Variants in NAV3 observed in about 807,000 individuals in gnomAD.
NAV3 encodes the protein neuron navigator 3, also known as pore membrane and/or filament interacting like protein 1.
Under a neutral mutation model 244.7 loss-of-function variants are expected in NAV3, and 87 were observed. The ratio of observed to expected loss-of-function variants is 0.36; its 90% CI spans 0.30 to 0.42. The LOEUF (loss-of-function observed/expected upper bound fraction) is 0.42, where lower values mean the gene tolerates loss of function less well. Among genes scored for constraint, NAV3 ranks in the 20% least tolerant of loss-of-function variants. NAV3 has a pLI of 1.00. For synonymous variants in NAV3, 1,126 were observed against 1,042.2 expected, an observed-to-expected ratio of 1.08 and a Z score of -1.55; for missense variants, 2,663 against 2,893.3, an observed-to-expected ratio of 0.92 and a Z score of 1.83.
chr12:78,036,005 T>C (rs1879808745), intron 9 of NAV3, among the ~76,000 whole-genome samples: 1 of 152,152 alleles, frequency 6.6e-6, no homozygotes, highest in African/African-American at 2.4e-5. Flanking sequence ...AGTCTGTCAT[T>C]CTCGGCATCG....
intron 12 of NAV3, among the ~76,000 whole-genome samples, chr12:78,068,460 G>A (rs1254450905): frequency 4.0e-5 from 6 of 150,574 alleles, no homozygotes; most frequent in Non-Finnish European, 8.9e-5. Context: ...ATGTATAATG[G>A]TATCTATTTC....
Position 78,007,270 on chromosome 12 carries a change from A to G in NAV3, c.1732A>G (p.Ser578Gly). The G allele has an allele frequency of 6.2e-7, 1 of 1,614,204 alleles. No individual in the cohort carries two copies. The highest frequency in any genetic ancestry group is 8.5e-7 in the Non-Finnish European group (1 of 1,180,026). ...AACCATGGAGAAAGCAAGTGCTTCT[A>G]GTTGTCCTGCCCCTTTGGAAGGAAG... is the stretch of plus-strand genomic sequence containing the variant. ...PITMEKASAS[S>G]CPAPLEGREA... The change falls in exon 8 of 40, where the codon AGT (serine) becomes GGT (glycine). Residue 578 changes from serine (S) to glycine (G), a missense_variant. By Grantham distance (56) the Ser-to-Gly change is moderately conservative (BLOSUM62 0). Transcript: ENST00000397909.
chr12:77,934,494 A>C (rs1431115396), intron 1 of NAV3, among the ~76,000 whole-genome samples: 1 of 152,212 alleles, frequency 6.6e-6, no homozygotes, highest in African/African-American at 2.4e-5. Context: ...TTTGAAACTC[A>C]GTCCAGAGAG....
chr12:77,637,103 A>G (rs558683161), intron 2 of NAV3, among the ~76,000 whole-genome samples: 1 of 152,266 alleles, frequency 6.6e-6, no homozygotes, highest in East Asian at 1.9e-4. Flanking sequence ...ACAAACCTGC[A>G]CATTCTACAC....
intron 24 of NAV3, among the ~76,000 whole-genome samples, chr12:78,174,479 T>C (rs1958136132): frequency 6.6e-6 from 1 of 151,900 alleles, no homozygotes; most frequent in Non-Finnish European, 1.5e-5. Context: ...TATGTGACCA[T>C]GTGAAAGTTA....
chr12:78,196,170 T>A (rs1050448940), intron 34 of NAV3, among the ~76,000 whole-genome samples: 9 of 152,126 alleles, frequency 5.9e-5, no homozygotes, highest in South Asian at 4.1e-4. Context: ...TAAACATATT[T>A]TTTTCTGCAT....
At chr12:78,187,289 A>G (rs555475229) in intron 31 of NAV3, among the ~76,000 whole-genome samples, 7 of 151,878 alleles carry the variant, frequency 4.6e-5, no homozygotes, top group Non-Finnish European at 8.8e-5. Flanking sequence ...CTAAGGTCAC[A>G]TTTCTTAATT....
At chr12:77,818,713 C>T (rs756035974) in intron 2 of NAV3, among the ~76,000 whole-genome samples, 2 of 151,998 alleles carry the variant, frequency 1.3e-5, no homozygotes, top group East Asian at 1.9e-4. Context: ...GGGGAGGAAA[C>T]GCATAACAAA....
intron 12 of NAV3, among the ~76,000 whole-genome samples, chr12:78,110,511 C>G (rs300428): frequency 1.3e-4 from 20 of 151,932 alleles, no homozygotes; most frequent in Non-Finnish European, 2.9e-4. Context: ...CTGGTCCTGA[C>G]TTAATCACTA....
At chr12:77,672,358 A>G (rs1223344647) in intron 2 of NAV3, among the ~76,000 whole-genome samples, 2 of 152,184 alleles carry the variant, frequency 1.3e-5, no homozygotes. Context: ...AACTAAAAGT[A>G]GATCTACCAT....
At chr12:78,002,822 A>C (rs75329438) in intron 7 of NAV3, among the ~76,000 whole-genome samples, 2,774 of 151,998 alleles carry the variant, frequency 0.018, 47 homozygotes, top group Non-Finnish European at 0.03. Flanking sequence ...CATATGTGTA[A>C]ATATATGTAT....
chr12:78,035,900 T>C (rs890084779), intron 9 of NAV3, among the ~76,000 whole-genome samples: 7 of 152,206 alleles, frequency 4.6e-5, no homozygotes, highest in African/African-American at 1.4e-4. Flanking sequence ...TTAGGTCCTT[T>C]ACACTCTTGA....
intron 22 of NAV3, among the ~76,000 whole-genome samples, chr12:78,152,350 T>C (rs12827632): frequency 5.3e-4 from 80 of 151,882 alleles, no homozygotes; most frequent in Middle Eastern, 8.0e-3. Context: ...ACAATTTTAA[T>C]GTCAGTTATA....
chr12:77,616,730 G>GCACA (rs147977960), intron 2 of NAV3, among the ~76,000 whole-genome samples: 169 of 148,128 alleles, frequency 1.1e-3, no homozygotes, highest in Middle Eastern at 3.5e-3. Context: ...ACACAGGCGC[G>GCACA]CACACACACA....
Position 78,089,606 on chromosome 12 carries a change from T to G in NAV3, c.2637-27166T>G, listed in dbSNP as rs574270049. On this transcript the variant is annotated intron_variant, in intron 12 of 39. Coordinates refer to ENST00000397909, the MANE Select transcript of NAV3 (RefSeq NM_001024383.2). ...GATTTACTATTATGAGTGATTTTTG[T>G]AATGTTTATTCAGTTTGAATGTATC... is the stretch of plus-strand genomic sequence containing the variant. 7.2e-5 allele frequency among the ~76,000 whole-genome samples: 11 copies of G among 152,308 alleles called. No homozygotes were observed. The South Asian group carries it at 2.3e-3, about 32-fold the overall frequency.
At chr12:78,050,210 A>C in intron 10 of NAV3, 109 bp downstream of exon 10, 1 of 765,588 alleles carries the variant, frequency 1.3e-6, no homozygotes, top group Non-Finnish European at 2.2e-6. Context: ...TCCCCTTACT[A>C]TTTTCTCCCT....
chr12:77,684,911 T>C (rs994753279), intron 2 of NAV3, among the ~76,000 whole-genome samples: 2 of 152,086 alleles, frequency 1.3e-5, no homozygotes, highest in Admixed American at 6.6e-5. Context: ...TTTGAAAAAA[T>C]TTTCCTTTCA....
intron 2 of NAV3, among the ~76,000 whole-genome samples, chr12:77,673,455 T>C (rs1190235553): frequency 6.6e-6 from 1 of 152,140 alleles, no homozygotes; most frequent in Admixed American, 6.5e-5. Context: ...TAATATTATA[T>C]CTAAGGTATA....
At chr12:78,002,772 G>A (rs1403087456) in intron 7 of NAV3, among the ~76,000 whole-genome samples, 2 of 151,480 alleles carry the variant, frequency 1.3e-5, no homozygotes, top group African/African-American at 4.9e-5. Flanking sequence ...ATAATTTCAG[G>A]GATTTTAGTA....
Sources: allele counts gnomAD v4.1 joint callset (sites outside exome capture counted in the v4.1 genomes callset), GRCh38; gene constraint gnomAD v4.1.1; transcripts MANE v1.5; gene names NCBI Gene and HGNC (gene_info 2026-07-23, HGNC 2026-07-21).